The following EPM2A variants were observed in gnomAD, a reference collection of about 807,000 sequenced individuals.
EPM2A encodes laforin.
In EPM2A, 21 loss-of-function variants were observed where a neutral mutation model predicts 26.5. The observed-to-expected ratio is 0.79, with a 90% CI of 0.56 to 1.14. EPM2A has a LOEUF of 1.14. Among genes scored for constraint, EPM2A ranks in the 50% most tolerant of loss-of-function variants. The pLI is 0.00. For missense variants in EPM2A, 458 were observed against 440.8 expected (o/e 1.04, Z -0.35); for synonymous variants, 217 against 177.6 (o/e 1.22, Z -1.76).
intron 1 of EPM2A, among the ~76,000 whole-genome samples, chr6:145,695,221 C>G (rs1485498181): frequency 6.6e-6 from 1 of 151,942 alleles, no homozygotes; most frequent in African/African-American, 2.4e-5. Flanking sequence ...AAGTTGGTAA[C>G]AGCTTAGAAT....
At chr6:145,545,216 CA>C (rs1780568540) in intron 2 of EPM2A, among the ~76,000 whole-genome samples, 1 of 152,104 alleles carries the variant, frequency 6.6e-6, no homozygotes, top group African/African-American at 2.4e-5. Flanking sequence ...CAGTGGCTTA[CA>C]ACAACCACCA....
chr6:145,627,750 C>T lies in EPM2A; in HGVS notation c.719-57G>A. 2.5e-6 allele frequency: 4 copies of T among 1,591,302 alleles called. No homozygotes were observed. In the South Asian group the frequency reaches 4.5e-5, roughly 18 times the overall value. ...ATAACTAAACCACCAGATACCGCCG[C>T]TGAGGTCTCCTCCAGCACAGCCTGA... On this transcript the variant is annotated intron_variant, in intron 3 of 3. Coordinates refer to ENST00000367519, the MANE Select transcript of EPM2A (RefSeq NM_005670.4).
Position 145,627,523 on chromosome 6 carries a change from T to G in EPM2A, c.889A>C (p.Met297Leu), listed in dbSNP as rs1042622916. ...WNLRKVQYFL[M>L]AKRPAVYIDE... ...ATGTAGACAGCCGGCCTCTTGGCCA[T>G]GAGGAAATACTGCACCTTCCTCAGA... is the stretch of plus-strand genomic sequence containing the variant. Residue 297 changes from methionine to leucine, a missense_variant, in exon 4 of 4, where the codon ATG becomes CTG. Coordinates refer to ENST00000367519, the MANE Select transcript of EPM2A (RefSeq NM_005670.4). 5 of 1,614,148 alleles carry G rather than the reference T, an allele frequency of 3.1e-6. No homozygotes were observed. The African/African-American group carries it at 6.7e-5, about 22-fold the overall frequency.
At chr6:145,605,872 T>C (rs929025128) in intron 2 of EPM2A, among the ~76,000 whole-genome samples, 2 of 152,150 alleles carry the variant, frequency 1.3e-5, no homozygotes, top group Non-Finnish European at 2.9e-5. Flanking sequence ...ATGGCACATT[T>C]AACAAGGTTA....
At chr6:145,648,503 C>T (rs1210653095) in intron 2 of EPM2A, among the ~76,000 whole-genome samples, 8 of 152,154 alleles carry the variant, frequency 5.3e-5, no homozygotes, top group South Asian at 2.1e-4. Flanking sequence ...TTTCATGCCA[C>T]GTAGTATTTT....
At chr6:145,656,351 G>C (rs1401066961) in intron 2 of EPM2A, among the ~76,000 whole-genome samples, 5 of 152,208 alleles carry the variant, frequency 3.3e-5, no homozygotes, top group African/African-American at 1.2e-4. Context: ...TCCACAGTGT[G>C]GAGAAAGGGT....
At chr6:145,643,219 G>A (rs1336839660) in intron 2 of EPM2A, among the ~76,000 whole-genome samples, 2 of 152,012 alleles carry the variant, frequency 1.3e-5, no homozygotes, top group African/African-American at 2.4e-5. Flanking sequence ...TCTTAATCAG[G>A]TCTACTCTCA....
At chr6:145,699,459 A>G (rs1459176379) in intron 1 of EPM2A, among the ~76,000 whole-genome samples, 1 of 152,178 alleles carries the variant, frequency 6.6e-6, no homozygotes, top group Non-Finnish European at 1.5e-5. Flanking sequence ...GTAGAAAACT[A>G]AAAATGGACT....
chr6:145,401,149 C>T (rs1778479834), intron 4 of EPM2A, among the ~76,000 whole-genome samples: 1 of 151,878 alleles, frequency 6.6e-6, no homozygotes, highest in African/African-American at 2.4e-5. Flanking sequence ...TCACTACAAT[C>T]AAGCCTATGA....
intron 2 of EPM2A, among the ~76,000 whole-genome samples, chr6:145,526,867 G>T (rs571446734): frequency 6.6e-6 from 1 of 151,924 alleles, no homozygotes; most frequent in South Asian, 2.1e-4. Flanking sequence ...CTCTAGTTGT[G>T]ATATTAGATT....
intron 2 of EPM2A, among the ~76,000 whole-genome samples, chr6:145,674,531 TA>T (rs1779880417): frequency 6.6e-6 from 1 of 152,006 alleles, no homozygotes; most frequent in South Asian, 2.1e-4. Context: ...AGAAGGAAGC[TA>T]AAAACCTTGA....
Position 145,518,595 on chromosome 6 carries a change from CAAAAAA to C in EPM2A, c.341-16026_341-16021del, listed in dbSNP as rs55802475. Among the ~76,000 whole-genome samples, 823 of 102,668 alleles carry C rather than the reference CAAAAAA, an allele frequency of 8.0e-3. 11 individuals are homozygous for C. Among genetic ancestry groups the C allele is most frequent in the South Asian group, 0.024 (88 of 3,690 alleles). The allele number at this position is 102,668 out of a possible 152,430, so 67.4% of individuals were successfully genotyped here. A position where few individuals can be genotyped will look rare whatever the true frequency, so the allele number is the denominator to read the frequency against. On this transcript the variant is annotated intron_variant, in intron 2 of 3. Transcript: ENST00000450221. ...CAGTTCCAGATTGTGTGAAATGCAC[CAAAAAA>C]AAAAAAAAAAAAAAAAAAAAAACAA...
intron 2 of EPM2A, among the ~76,000 whole-genome samples, chr6:145,585,838 G>C (rs1454966331): frequency 6.6e-6 from 1 of 152,170 alleles, no homozygotes; most frequent in Non-Finnish European, 1.5e-5. Flanking sequence ...AATTGCAGCA[G>C]TCTTTAGTTT....
intron 2 of EPM2A, among the ~76,000 whole-genome samples, chr6:145,546,043 T>C (rs779102823): frequency 6.6e-6 from 1 of 152,142 alleles, no homozygotes; most frequent in Non-Finnish European, 1.5e-5. Flanking sequence ...GATATGTAGA[T>C]GTATATGAGA....
intron 2 of EPM2A, among the ~76,000 whole-genome samples, chr6:145,678,331 C>A (rs1304006978): frequency 6.6e-6 from 1 of 152,132 alleles, no homozygotes; most frequent in Non-Finnish European, 1.5e-5. Context: ...ATTCAGGACA[C>A]AGGCATGGGC....
chr6:145,464,997 A>G (rs1562345421), intron 4 of EPM2A, among the ~76,000 whole-genome samples: 1 of 151,894 alleles, frequency 6.6e-6, no homozygotes, highest in African/African-American at 2.4e-5. Context: ...CGTTCTCTGT[A>G]TTTCCTGAAT....
chr6:145,627,111 TAAAGC>T lies in EPM2A; in HGVS notation c.*300_*304del. On this transcript the variant is annotated 3_prime_UTR_variant, in exon 4 of 4. Transcript: ENST00000367519. ...CCATCGTGCAACACATACAGTGCTG[TAAAGC>T]AAAGGCCTCGTCTGCCTGCAGGCAG... The T allele has an allele frequency of 7.7e-7, 1 of 1,292,636 alleles. No individual in the cohort carries two copies. Among genetic ancestry groups the T allele is most frequent in the Non-Finnish European group, 9.9e-7 (1 of 1,010,536 alleles). The allele number at this position is 1,292,636 out of a possible 1,614,324, so 80.1% of individuals were successfully genotyped here. A position where few individuals can be genotyped will look rare whatever the true frequency, so the allele number is the denominator to read the frequency against.
chr6:145,456,833 G>A (rs1345793681), intron 4 of EPM2A, among the ~76,000 whole-genome samples: 1 of 152,030 alleles, frequency 6.6e-6, no homozygotes, highest in Non-Finnish European at 1.5e-5. Flanking sequence ...AGCATTATAT[G>A]TTTGTTCATA....
At chr6:145,384,912 C>T (rs1197038358) in intron 4 of EPM2A, among the ~76,000 whole-genome samples, 1 of 147,190 alleles carries the variant, frequency 6.8e-6, no homozygotes, top group Non-Finnish European at 1.5e-5. Context: ...GATAAGACAA[C>T]GACTAGGCAT....
Sources: gnomAD v4.1 joint callset for allele counts (sites outside exome capture counted in the v4.1 genomes callset) on GRCh38, gnomAD v4.1.1 for gene constraint, MANE v1.5 for transcripts, NCBI Gene and HGNC (gene_info 2026-07-23, HGNC 2026-07-21) for gene names.